PKNOX2: variants seen among roughly 807,000 people sequenced by gnomAD.
The protein encoded by PKNOX2 is homeobox protein PKNOX2.
A neutral mutation model predicts 53.1 loss-of-function variants in PKNOX2; 14 were observed. The ratio of observed to expected loss-of-function variants is 0.26; its 90% CI spans 0.17 to 0.41. The LOEUF (loss-of-function observed/expected upper bound fraction) is 0.41. Ranked by LOEUF, PKNOX2 falls within the 10% of genes least tolerant of loss-of-function variation. The pLI is 1.00. For synonymous variants in PKNOX2, 257 were observed against 242.8 expected (o/e 1.06, Z -0.54); for missense variants, 496 against 602.8 (o/e 0.82, Z 1.85).
At chr11:125,404,123 G>A (rs1017229838) in intron 7 of PKNOX2, among the ~76,000 whole-genome samples, 1 of 152,120 alleles carries the variant, frequency 6.6e-6, no homozygotes, top group African/African-American at 2.4e-5. Context: ...TGGGGTAGGG[G>A]GCAATCTACC....
intron 4 of PKNOX2, among the ~76,000 whole-genome samples, chr11:125,364,421 C>A (rs1198464556): frequency 6.6e-6 from 1 of 152,190 alleles, no homozygotes; most frequent in Non-Finnish European, 1.5e-5. Context: ...TTTTGATTTA[C>A]ATTTTATTCT....
At chr11:125,181,264 C>A (rs12224217) in intron 1 of PKNOX2, among the ~76,000 whole-genome samples, 62,765 of 151,700 alleles carry the variant, frequency 0.41, 12,978 homozygotes, top group East Asian at 0.47. Flanking sequence ...CTCTCACCAG[C>A]ACTCATCCTC....
At chr11:125,173,064 AG>A (rs1285091636) in intron 1 of PKNOX2, among the ~76,000 whole-genome samples, 1 of 151,970 alleles carries the variant, frequency 6.6e-6, no homozygotes, top group Non-Finnish European at 1.5e-5. Flanking sequence ...ACTACAGCTA[AG>A]CAGTGTGCAC....
At chr11:125,345,965 A>G (rs1950947016) in intron 3 of PKNOX2, among the ~76,000 whole-genome samples, 1 of 152,140 alleles carries the variant, frequency 6.6e-6, no homozygotes. Flanking sequence ...GCTGGGCCAG[A>G]GAAGATCATT....
intron 6 of PKNOX2, among the ~76,000 whole-genome samples, chr11:125,393,469 G>A (rs1565514896): frequency 6.6e-6 from 1 of 152,160 alleles, no homozygotes; most frequent in Admixed American, 6.5e-5. Flanking sequence ...AGAGGCTGGA[G>A]GAGAAGATGC....
At chr11:125,239,184 G>T (rs1942967398) in intron 2 of PKNOX2, among the ~76,000 whole-genome samples, 1 of 152,204 alleles carries the variant, frequency 6.6e-6, no homozygotes, top group African/African-American at 2.4e-5. Context: ...CTCCATAAAA[G>T]TTCACTCATA....
In PKNOX2 at chr11:125,351,329, C is replaced by T; in HGVS notation, c.24C>T (p.Ala8=). 1 of 1,607,236 alleles carries T rather than the reference C, an allele frequency of 6.2e-7. No homozygotes were observed. The highest frequency in any genetic ancestry group is 8.5e-7 in the Non-Finnish European group (1 of 1,175,260). Residue 8 remains alanine (A), a synonymous_variant, in exon 4 of 13, where the codon GCC becomes GCT. Coordinates refer to ENST00000298282, the MANE Select transcript of PKNOX2 (RefSeq NM_001382323.2). The stretch of plus-strand genomic sequence containing the variant: ...CCATGATGCAACATGCCTCCCCAGC[C>T]CCCGCTCTGACGATGATGGCCACGC... MMQHASP[A]PALTMMATQN...
chr11:125,304,178 T>C (rs905283404), intron 2 of PKNOX2, among the ~76,000 whole-genome samples: 1 of 152,052 alleles, frequency 6.6e-6, no homozygotes, highest in African/African-American at 2.4e-5. Context: ...ATGGATCCAC[T>C]TGGGTAGACA....
At chr11:125,199,889 G>T (rs1240816543) in intron 1 of PKNOX2, among the ~76,000 whole-genome samples, 2 of 152,040 alleles carry the variant, frequency 1.3e-5, no homozygotes, top group African/African-American at 4.8e-5. Flanking sequence ...AAACTTACTG[G>T]GTCTCTCGTT....
rs1953221259 is a variant in PKNOX2 at position 125,381,439 on chromosome 11, T to A, written c.228-4112T>A. Among the ~76,000 whole-genome samples, 3 of 152,066 alleles carry A rather than the reference T, an allele frequency of 2.0e-5. No individual in the cohort carries two copies. The South Asian group carries it at 6.2e-4, about 31-fold the overall frequency. ...GTCTGCCCTATGCTCCATAGACTCT[T>A]AGTTAACTTGGAGGGAAGGATGGGC... On this transcript the variant is annotated intron_variant, in intron 5 of 12. Coordinates refer to ENST00000298282, the MANE Select transcript of PKNOX2 (RefSeq NM_001382323.2).
intron 1 of PKNOX2, chr11:125,190,880 C>G (rs990454141): frequency 6.6e-6 from 1 of 152,262 alleles, no homozygotes; most frequent in Non-Finnish European, 1.5e-5. Flanking sequence ...CATTTGGCAT[C>G]TAATCATGTA....
At chr11:125,237,554 G>C (rs1186465825) in intron 2 of PKNOX2, among the ~76,000 whole-genome samples, 3 of 152,194 alleles carry the variant, frequency 2.0e-5, no homozygotes, top group African/African-American at 7.2e-5. Flanking sequence ...AGAATAAAAG[G>C]AACCCTTCTT....
intron 4 of PKNOX2, among the ~76,000 whole-genome samples, chr11:125,365,321 G>A (rs1173796287): frequency 6.6e-6 from 1 of 152,092 alleles, no homozygotes; most frequent in Non-Finnish European, 1.5e-5. Context: ...TGTGAGCAAT[G>A]CCTCTGTTAA....
intron 1 of PKNOX2, among the ~76,000 whole-genome samples, chr11:125,226,133 T>C (rs906627806): frequency 6.6e-5 from 10 of 152,240 alleles, no homozygotes; most frequent in African/African-American, 2.4e-4. Flanking sequence ...ATGTAATTAT[T>C]TCATTTCATT....
chr11:125,298,293 C>A (rs1168085429), intron 2 of PKNOX2, among the ~76,000 whole-genome samples: 1 of 152,172 alleles, frequency 6.6e-6, no homozygotes, highest in Non-Finnish European at 1.5e-5. Context: ...TCAGGCATCC[C>A]ACTGAGTGAC....
At chr11:125,198,342 G>A (rs913981118) in intron 1 of PKNOX2, among the ~76,000 whole-genome samples, 1 of 152,230 alleles carries the variant, frequency 6.6e-6, no homozygotes, top group Non-Finnish European at 1.5e-5. Flanking sequence ...GCCAGAAGGC[G>A]AAGGTGGGGG....
intron 3 of PKNOX2, among the ~76,000 whole-genome samples, chr11:125,347,364 T>C (rs1296655931): frequency 1.3e-5 from 2 of 152,382 alleles, no homozygotes; most frequent in East Asian, 3.9e-4. Context: ...GCCCAATTAC[T>C]GCCTGGCAGC....
At chr11:125,287,396 A>C (rs545284846) in intron 2 of PKNOX2, among the ~76,000 whole-genome samples, 11 of 152,334 alleles carry the variant, frequency 7.2e-5, no homozygotes, top group Admixed American at 7.2e-4. Context: ...AGCAAAGACC[A>C]AGCCCCTTCA....
intron 2 of PKNOX2, chr11:125,330,351 A>C (rs4935918): frequency 6.6e-6 from 1 of 151,966 alleles, no homozygotes; most frequent in Non-Finnish European, 1.5e-5. Context: ...GCCTGGTGCC[A>C]GGAACAAGCT....
Sources: allele counts gnomAD v4.1 joint callset (sites outside exome capture counted in the v4.1 genomes callset), GRCh38; gene constraint gnomAD v4.1.1; transcripts MANE v1.5; gene names NCBI Gene and HGNC (gene_info 2026-07-23, HGNC 2026-07-21).